The following CACNA1B variants were observed in gnomAD, a reference collection of about 807,000 sequenced individuals.
The protein encoded by CACNA1B is calcium voltage-gated channel subunit alpha1 B, also known as voltage-dependent N-type calcium channel subunit alpha-1B.
A neutral mutation model predicts 247.2 loss-of-function variants in CACNA1B; 70 were observed. The observed-to-expected ratio is 0.28, with a 90% confidence interval of 0.23 to 0.35. The LOEUF is 0.35. Ranked by LOEUF, CACNA1B falls within the 10% of genes least tolerant of loss-of-function variation. The probability of loss-of-function intolerance (pLI) is 1.00; values close to 1 mark genes in which losing one functional copy is unlikely to be tolerated. For missense variants in CACNA1B, 2,367 were observed against 3,197.4 expected, an observed-to-expected ratio of 0.74 and a Z score of 6.26; for synonymous variants, 1,231 against 1,294.4, an observed-to-expected ratio of 0.95 and a Z score of 1.05.
At chr9:137,915,822 T>TAA (rs557981522) in intron 5 of CACNA1B, among the ~76,000 whole-genome samples, 1 of 130,752 alleles carries the variant, frequency 7.6e-6, no homozygotes. Flanking sequence ...AAGAAAAAGT[T>TAA]AAAAAAAAAA....
intron 18 of CACNA1B, 55 bp downstream of exon 18, chr9:138,013,290 A>T: frequency 7.3e-7 from 1 of 1,363,474 alleles, no homozygotes; most frequent in East Asian, 2.4e-5. Flanking sequence ...GCAGGGTCCC[A>T]TGGCTGGGCC....
chr9:137,932,673 G>T (rs1957621194), intron 6 of CACNA1B, among the ~76,000 whole-genome samples: 1 of 152,122 alleles, frequency 6.6e-6, no homozygotes, highest in African/African-American at 2.4e-5. Context: ...GGAACCAAAA[G>T]GCAACTAGAC....
Position 137,914,547 on chromosome 9 carries a change from C to T in CACNA1B, c.623-107C>T, listed in dbSNP as rs1589002101. 1 of 896,526 alleles carries T rather than the reference C, an allele frequency of 1.1e-6. No individual in the cohort carries two copies. The highest frequency in any genetic ancestry group is 1.6e-5 in the African/African-American group (1 of 60,912). The allele number at this position is 896,526 out of a possible 1,614,324, so 55.5% of individuals were successfully genotyped here. A position where few individuals can be genotyped will look rare whatever the true frequency, so the allele number is the denominator to read the frequency against. On this transcript the variant is annotated intron_variant, in intron 4 of 46. Transcript: ENST00000371372. This position sits in a 1 kb window ranked among gnomAD's most constrained non-coding sequence, Gnocchi z 4.3. ...GCCCTTGCAAGCACTCACTGCTTAG[C>T]ACCTTGCTGTCCCTGCTAGGTTCCT...
Position 137,952,274 on chromosome 9 carries a change from A to G in CACNA1B, c.967A>G (p.Thr323Ala), listed in dbSNP as rs892402826. The change falls in exon 7 of 47, where the codon ACA (threonine) becomes GCA (alanine). Residue 323 changes from threonine (T) to alanine (A), a missense_variant and splice_region_variant. Transcript: ENST00000371372. The surrounding 1 kb of genome is among the most constrained non-coding windows in gnomAD (Gnocchi z 4.8). ...CTCATCTCCCTCTCCTTGCTTCCAGACAAACGATGCGGCCGGCAACACCTG... is the reference window on the plus strand; with the variant it reads ...CTCATCTCCCTCTCCTTGCTTCCAGGCAAACGATGCGGCCGGCAACACCTG... ...MEGWTDILYN[T>A]NDAAGNTWNW... 4 of 1,613,240 alleles carry G rather than the reference A, an allele frequency of 2.5e-6. No homozygotes were observed. Among genetic ancestry groups the G allele is most frequent in the Non-Finnish European group, 3.4e-6 (4 of 1,179,460 alleles).
At position 138,058,403 on chromosome 9, in the gene CACNA1B, C is replaced by T. The variant is rs931492900; in HGVS notation, c.4308+153C>T. ...GTCCTCCTTTCTCCTGCAGAGGGAC[C>T]GGATTTGGCTGGTTGAGGCCTGCTT... On this transcript the variant is annotated intron_variant, in intron 28 of 46. Coordinates refer to ENST00000371372, the MANE Select transcript of CACNA1B (RefSeq NM_000718.4). This position sits in a 1 kb window ranked among gnomAD's most constrained non-coding sequence, Gnocchi z 4.7. 4.6e-5 allele frequency among the ~76,000 whole-genome samples: 7 copies of T among 152,238 alleles called. No homozygotes were observed. The East Asian group carries it at 9.7e-4, about 21-fold the overall frequency.
At chr9:138,069,239 T>A (rs2133528312) in intron 31 of CACNA1B, among the ~76,000 whole-genome samples, 1 of 152,320 alleles carries the variant, frequency 6.6e-6, no homozygotes, top group African/African-American at 2.4e-5. Context: ...CTTTTTTTTC[T>A]TAGGCAAAAA....
chr9:137,963,455 C>T (rs1371928186), intron 10 of CACNA1B, among the ~76,000 whole-genome samples: 1 of 152,256 alleles, frequency 6.6e-6, no homozygotes, highest in South Asian at 2.1e-4. Context: ...AGTGCAGTGG[C>T]GTGATCTCAG....
Position 138,011,814 on chromosome 9 carries a change from C to A in CACNA1B, c.2161-1315C>A, listed in dbSNP as rs777430042. On this transcript the variant is annotated intron_variant, in intron 17 of 46. Coordinates refer to ENST00000371372, the MANE Select transcript of CACNA1B (RefSeq NM_000718.4). The surrounding 1 kb of genome is among the most constrained non-coding windows in gnomAD (Gnocchi z 4.2). ...AGGGACTTAGTTTCTGCCAGCGTTG[C>A]GCCCCGAATGCAGATTCAAGGACAT... Among the ~76,000 whole-genome samples the A allele has an allele frequency of 6.6e-6, 1 of 152,168 alleles. No individual in the cohort carries two copies. Among genetic ancestry groups the A allele is most frequent in the African/African-American group, 2.4e-5 (1 of 41,428 alleles).
rs1164527247 is a variant in CACNA1B at position 137,917,784 on chromosome 9, GC to G, written c.966+356del. ...AGCACTGCTAGCTGCTCTGGGTTAG[GC>G]CCTCTGGGAAGTGTTTTATTCCTGT... On this transcript the variant is annotated intron_variant, in intron 6 of 46. Coordinates refer to ENST00000371372, the MANE Select transcript of CACNA1B (RefSeq NM_000718.4). The surrounding 1 kb of genome is among the most constrained non-coding windows in gnomAD (Gnocchi z 5.5). 2.0e-5 allele frequency among the ~76,000 whole-genome samples: 3 copies of G among 152,246 alleles called. No homozygotes were observed. The highest frequency in any genetic ancestry group is 7.2e-5 in the African/African-American group (3 of 41,466).
At chr9:138,016,451 T>C (rs1405904000) in intron 18 of CACNA1B, among the ~76,000 whole-genome samples, 1 of 152,242 alleles carries the variant, frequency 6.6e-6, no homozygotes, top group Admixed American at 6.5e-5. Context: ...TGGGTTGGCG[T>C]GTGGCTTGAT....
At chr9:137,940,439 A>G (rs1012279667) in intron 6 of CACNA1B, among the ~76,000 whole-genome samples, 1 of 152,198 alleles carries the variant, frequency 6.6e-6, no homozygotes, top group African/African-American at 2.4e-5. Flanking sequence ...AAAATTACCA[A>G]CCAAAAAACT....
At position 137,913,893 on chromosome 9, in the gene CACNA1B, G is replaced by C. The variant is rs1007707315; in HGVS notation, c.622+622G>C. Among the ~76,000 whole-genome samples, 1 of 152,200 alleles carries C rather than the reference G, an allele frequency of 6.6e-6. No individual in the cohort carries two copies. The highest frequency in any genetic ancestry group is 1.5e-5 in the Non-Finnish European group (1 of 68,030). On this transcript the variant is annotated intron_variant, in intron 4 of 46. Transcript: ENST00000371372. The surrounding 1 kb of genome is among the most constrained non-coding windows in gnomAD (Gnocchi z 5.2). ...TCCTGAGGCCACTGAGGGAAGACCC[G>C]TGATTGGCTCCCTGTTCTACCCTGA...
At chr9:138,112,861 TGTGAGAGAC>T (rs929335852) in intron 40 of CACNA1B, among the ~76,000 whole-genome samples, 2 of 150,926 alleles carry the variant, frequency 1.3e-5, no homozygotes, top group Non-Finnish European at 3.0e-5. Context: ...AACTCCATCT[TGTGAGAGAC>T]GTGAGGGAGC....
intron 37 of CACNA1B, among the ~76,000 whole-genome samples, chr9:138,099,314 T>C (rs1381387336): frequency 1.3e-5 from 2 of 150,732 alleles, no homozygotes; most frequent in Non-Finnish European, 2.9e-5. Flanking sequence ...TTGACGTTTG[T>C]GTGTGCACAT....
intron 38 of CACNA1B, among the ~76,000 whole-genome samples, chr9:138,103,990 G>A (rs1961340545): frequency 6.6e-6 from 1 of 152,236 alleles, no homozygotes; most frequent in South Asian, 2.1e-4. Flanking sequence ...TTGTCCCCAA[G>A]AAGGAGAGCT....
chr9:138,011,227 G>A lies in CACNA1B; in HGVS notation c.2160+1150G>A, dbSNP rs114596561. ...TGGTGCCGGGGTTGCCTTGGAGCCC[G>A]GGGCCCTAGCTGTCCTGGGTGGGCT... On this transcript the variant is annotated intron_variant, in intron 17 of 46. Transcript: ENST00000371372. This position sits in a 1 kb window ranked among gnomAD's most constrained non-coding sequence, Gnocchi z 4.2. 9.6e-3 allele frequency among the ~76,000 whole-genome samples: 1,458 copies of A among 152,288 alleles called. 23 individuals carry two copies. The highest frequency in any genetic ancestry group is 0.033 in the African/African-American group (1,363 of 41,550).
At chr9:138,037,687 G>GA (rs1564251362) in intron 20 of CACNA1B, among the ~76,000 whole-genome samples, 1 of 151,650 alleles carries the variant, frequency 6.6e-6, no homozygotes, top group Non-Finnish European at 1.5e-5. Context: ...AAAAAAGAGA[G>GA]AAAAAATCCA....
rs561012808 is a variant in CACNA1B at position 137,881,147 on chromosome 9, G to A, written c.391-1597G>A. Among the ~76,000 whole-genome samples the A allele has an allele frequency of 1.3e-5, 2 of 152,142 alleles. No homozygotes were observed. The highest frequency in any genetic ancestry group is 2.9e-5 in the Non-Finnish European group (2 of 67,972). ...TCCTGTGAAGATCTCTGTCTGCTGCGGCCCCACTGTTCCCCTGGGGCAGAT... is the reference window on the plus strand; with the variant it reads ...TCCTGTGAAGATCTCTGTCTGCTGCAGCCCCACTGTTCCCCTGGGGCAGAT... On this transcript the variant is annotated intron_variant, in intron 2 of 46. Coordinates refer to ENST00000371372, the MANE Select transcript of CACNA1B (RefSeq NM_000718.4). This position sits in a 1 kb window ranked among gnomAD's most constrained non-coding sequence, Gnocchi z 4.3.
rs762469618 is a variant in CACNA1B at position 137,971,394 on chromosome 9, G to A, written c.1345G>A (p.Ala449Thr). ...ADLCAVGSPFARASLKSGKTE... is the reference protein window; with the variant it reads ...ADLCAVGSPFTRASLKSGKTE... ...CCCCATCCCCTCAGGATCCCCCTTC[G>A]CCCGCGCCAGCCTCAAGAGCGGGAA... is the stretch of plus-strand genomic sequence containing the variant. Residue 449 changes from alanine to threonine, a missense_variant, in exon 11 of 47, where the codon GCC (alanine) becomes ACC (threonine). Coordinates refer to ENST00000371372, the MANE Select transcript of CACNA1B (RefSeq NM_000718.4). This position sits in a 1 kb window ranked among gnomAD's most constrained non-coding sequence, Gnocchi z 4.4. The A allele has an allele frequency of 7.5e-6, 12 of 1,610,658 alleles. No individual in the cohort carries two copies. In the South Asian group the frequency reaches 7.7e-5, roughly 10 times the overall value.
Sources: gnomAD v4.1 joint callset for allele counts (sites outside exome capture counted in the v4.1 genomes callset) on GRCh38, gnomAD v4.1.1 for gene constraint, Gnocchi (gnomAD v3.1) non-coding constraint, MANE v1.5 for transcripts, NCBI Gene and HGNC (gene_info 2026-07-23, HGNC 2026-07-21) for gene names.